The following MAP3K19 variants were observed in gnomAD, a reference collection of about 807,000 sequenced individuals.
The protein encoded by MAP3K19 is mitogen-activated protein kinase kinase kinase 19.
MAP3K19 carries 91 observed loss-of-function variants against 114.4 expected under a neutral mutation model. That is an observed-to-expected ratio of 0.80 (90% confidence interval 0.67 to 0.95). The LOEUF (loss-of-function observed/expected upper bound fraction) is 0.95. Ranked by LOEUF, MAP3K19 falls within the 40% of genes least tolerant of loss-of-function variation. The probability of loss-of-function intolerance (pLI) is 0.00; values close to 1 mark genes in which losing one functional copy is unlikely to be tolerated. For missense variants in MAP3K19, 1,471 were observed against 1,573.2 expected (o/e 0.94, Z 1.10); for synonymous variants, 518 against 530.5 (o/e 0.98, Z 0.32).
At position 135,003,424 on chromosome 2, in the gene MAP3K19, T is replaced by C. The variant is rs556183961; in HGVS notation, c.235+2011A>G. ...CTGATGAATTTATACTGAATTAAAA[T>C]ATTTTTAAGCCCATTAGTTTTAGGG... On this transcript the variant is annotated intron_variant, in intron 6 of 12. Transcript: ENST00000392915. Among the ~76,000 whole-genome samples the C allele has an allele frequency of 2.5e-3, 385 of 152,338 alleles. 1 individual carries two copies. Among genetic ancestry groups the C allele is most frequent in the Non-Finnish European group, 4.3e-3 (295 of 68,038 alleles).
intron 5 of MAP3K19, among the ~76,000 whole-genome samples, chr2:135,020,671 G>A (rs1687907667): frequency 6.6e-6 from 1 of 152,190 alleles, no homozygotes; most frequent in African/African-American, 2.4e-5. Context: ...GAGGGACTTT[G>A]TAGAAGGTGA....
intron 4 of MAP3K19, chr2:135,023,552 C>G (rs1476093266): frequency 3.8e-6 from 2 of 532,938 alleles, no homozygotes; most frequent in South Asian, 2.8e-5. Context: ...ATTTCCATCT[C>G]CTGCACTTTC....
At chr2:135,005,211 C>T (rs1686730157) in intron 6 of MAP3K19, among the ~76,000 whole-genome samples, 1 of 152,088 alleles carries the variant, frequency 6.6e-6, no homozygotes, top group Non-Finnish European at 1.5e-5. Context: ...CATAGGTAAA[C>T]ATGTATCATG....
At chr2:134,968,236 T>C (rs1458374484) in intron 12 of MAP3K19, among the ~76,000 whole-genome samples, 1 of 152,138 alleles carries the variant, frequency 6.6e-6, no homozygotes, top group Non-Finnish European at 1.5e-5. Context: ...CAGAACAAAA[T>C]GAAAAGTCTC....
intron 11 of MAP3K19, 127 bp from the exon 12 acceptor site, chr2:134,981,645 C>A: frequency 1.4e-6 from 1 of 722,268 alleles, no homozygotes; most frequent in Non-Finnish European, 2.3e-6. Context: ...TGATACCTCC[C>A]TTCCTAAATG....
chr2:134,967,799 C>T (rs1226882049), intron 12 of MAP3K19, among the ~76,000 whole-genome samples: 1 of 151,918 alleles, frequency 6.6e-6, no homozygotes, highest in East Asian at 1.9e-4. Flanking sequence ...ATGCTGAGCG[C>T]CGGTCCCCTA....
rs148615802 is a variant in MAP3K19, at chr2:134,973,195, T to C, written c.3920+7626A>G. 1.8e-4 allele frequency among the ~76,000 whole-genome samples: 28 copies of C among 152,340 alleles called. No individual in the cohort carries two copies. In the East Asian group the frequency reaches 4.6e-3, roughly 25 times the overall value. On this transcript the variant is annotated intron_variant, in intron 12 of 12. Transcript: ENST00000392915. ...CAGGTTTCTCTATTGATGTTTTGTT[T>C]AGATGATCTGCTTAATGTTGAGAGT...
At chr2:135,012,322 G>A (rs1236313966) in intron 5 of MAP3K19, among the ~76,000 whole-genome samples, 4 of 152,130 alleles carry the variant, frequency 2.6e-5, no homozygotes, top group African/African-American at 7.2e-5. Flanking sequence ...TAGGGTGGGA[G>A]GGGTGGGAGG....
intron 6 of MAP3K19, 89 bp from the exon 7 acceptor site, chr2:135,000,104 C>T: frequency 1.1e-6 from 1 of 869,840 alleles, no homozygotes; most frequent in Admixed American, 1.9e-5. Flanking sequence ...TTTGGCTAAT[C>T]TCTTCTTAAT....
At chr2:135,028,541 T>C (rs1318017960) in intron 3 of MAP3K19, among the ~76,000 whole-genome samples, 1 of 140,096 alleles carries the variant, frequency 7.1e-6, no homozygotes, top group African/African-American at 2.8e-5. Flanking sequence ...CTTGGCAACA[T>C]AGTGAGACTC....
intron 1 of MAP3K19, among the ~76,000 whole-genome samples, chr2:135,042,607 A>G (rs1688668946): frequency 2.6e-5 from 4 of 152,178 alleles, no homozygotes; most frequent in African/African-American, 9.7e-5. Context: ...GCTCTGATGA[A>G]GGACAGGCAT....
At position 134,998,965 on chromosome 2, in the gene MAP3K19, T is replaced by C; in HGVS notation, c.347A>G (p.Gln116Arg). The C allele has an allele frequency of 6.2e-7, 1 of 1,613,858 alleles. No homozygotes were observed. Among genetic ancestry groups the C allele is most frequent in the East Asian group, 2.2e-5 (1 of 44,890 alleles). Residue 116 changes from glutamine (Q) to arginine (R), a missense_variant, in exon 8 of 13, where the codon CAA (glutamine) becomes CGA (arginine). Transcript: ENST00000392915. ...ATTTGGATGAGAAACTGCATGTGCT[T>C]GTGCCCATTCTTGAAGCGATGAGTT... ...LINSSLQEWAQAHAVSHPNEI... is the reference protein window; with the variant it reads ...LINSSLQEWARAHAVSHPNEI...
At chr2:135,015,842 G>A (rs947229937) in intron 5 of MAP3K19, among the ~76,000 whole-genome samples, 13 of 151,546 alleles carry the variant, frequency 8.6e-5, no homozygotes, top group African/African-American at 1.2e-4. Flanking sequence ...GCAGTGAGCC[G>A]AGATTGCACC....
At chr2:134,966,270 G>A (rs1683340131) in intron 12 of MAP3K19, among the ~76,000 whole-genome samples, 1 of 152,092 alleles carries the variant, frequency 6.6e-6, no homozygotes. Context: ...GGATCACACG[G>A]CAGGTAGTTC....
At chr2:135,000,661 G>T (rs6733547) in intron 6 of MAP3K19, among the ~76,000 whole-genome samples, 37,518 of 152,124 alleles carry the variant, frequency 0.25, 5,988 homozygotes, top group African/African-American at 0.42. Flanking sequence ...ACAAGATGCA[G>T]CTGAGGCCCT....
chr2:135,027,329 TAAAGAAAGAAAGAAAGAAAGAGAG>T (rs1264940895), intron 3 of MAP3K19, among the ~76,000 whole-genome samples: 2 of 98,624 alleles, frequency 2.0e-5, no homozygotes, highest in African/African-American at 6.4e-5. Context: ...GACAGAGAAA[TAAAGAAAGAAAGAAAGAAAGAGAG>T]AAAGAAAGAA....
At chr2:134,982,344 AT>A (rs1485931253) in intron 11 of MAP3K19, among the ~76,000 whole-genome samples, 5 of 90,218 alleles carry the variant, frequency 5.5e-5, no homozygotes, top group East Asian at 3.0e-4. Context: ...TGCCTCACAG[AT>A]TTTTTTCTTT....
At chr2:135,004,194 T>G (rs1170433620) in intron 6 of MAP3K19, among the ~76,000 whole-genome samples, 1 of 152,302 alleles carries the variant, frequency 6.6e-6, no homozygotes, top group Admixed American at 6.5e-5. Flanking sequence ...ATATTTAACC[T>G]CCTGGAAGGT....
At chr2:135,001,825 TCTGTTCATCAG>T (rs1419758358) in intron 6 of MAP3K19, among the ~76,000 whole-genome samples, 20 of 152,334 alleles carry the variant, frequency 1.3e-4, no homozygotes, top group African/African-American at 4.8e-4. Context: ...TGCTTCAAAG[TCTGTTCATCAG>T]CTGACTTCTT....
Sources: gnomAD v4.1 joint callset for allele counts (sites outside exome capture counted in the v4.1 genomes callset) on GRCh38, gnomAD v4.1.1 for gene constraint, MANE v1.5 for transcripts, NCBI Gene and HGNC (gene_info 2026-07-23, HGNC 2026-07-21) for gene names.